Variants in MGST1 observed in about 807,000 individuals in gnomAD.
The protein encoded by MGST1 is microsomal glutathione S-transferase 1, also known as glutathione S-transferase 12.
MGST1 carries 5 observed loss-of-function variants against 8.9 expected under a neutral mutation model. The ratio of observed to expected loss-of-function variants is 0.56; its 90% CI spans 0.29 to 1.19. MGST1 has a LOEUF of 1.19. Ranked by LOEUF, MGST1 falls within the 50% of genes most tolerant of loss-of-function variation. The pLI, the probability that MGST1 is intolerant of heterozygous loss-of-function variation, is 0.08. For missense variants in MGST1, 182 were observed against 187.4 expected, an observed-to-expected ratio of 0.97 and a Z score of 0.17; for synonymous variants, 54 against 67.8, an observed-to-expected ratio of 0.80 and a Z score of 1.00.
chr12:16,591,928 G>C (rs1438871008), downstream of MGST1, among the ~76,000 whole-genome samples: 1 of 151,832 alleles, frequency 6.6e-6, no homozygotes, highest in Non-Finnish European at 1.5e-5. The surrounding 1 kb of genome is among the most constrained non-coding windows in gnomAD (Gnocchi z 4.1). Context: ...CTCTATATTG[G>C]TTCCATGGGA....
chr12:16,389,763 T>G lies in MGST1; in HGVS notation n.778+6159T>G, dbSNP rs1304701477. On this transcript the variant is annotated intron_variant and non_coding_transcript_variant, in intron 1 of 1. Coordinates refer to the MGST1 transcript ENST00000359720. This position sits in a 1 kb window ranked among gnomAD's most constrained non-coding sequence, Gnocchi z 4.6. Reference sequence around the variant, plus strand: ...TGTTTAGTGAGCAATATTGGAGTTTTCATAGTAAGAGCTTGCAGAGGTGGC... The same window carrying G: ...TGTTTAGTGAGCAATATTGGAGTTTGCATAGTAAGAGCTTGCAGAGGTGGC... 6.6e-6 allele frequency among the ~76,000 whole-genome samples: 1 copy of G among 152,100 alleles called. No individual in the cohort carries two copies. Among genetic ancestry groups the G allele is most frequent in the Non-Finnish European group, 1.5e-5 (1 of 68,030 alleles).
chr12:16,356,669 A>G (rs1208988607), intron 2 of MGST1, among the ~76,000 whole-genome samples: 1 of 152,230 alleles, frequency 6.6e-6, no homozygotes, highest in Non-Finnish European at 1.5e-5. Context: ...AGCTATTTCA[A>G]AGAGCATAAT....
chr12:16,394,513 C>T lies in MGST1; in HGVS notation n.778+10909C>T, dbSNP rs28572711. Among the ~76,000 whole-genome samples the T allele has an allele frequency of 1.9e-3, 161 of 84,460 alleles. 5 individuals carry two copies. The highest frequency in any genetic ancestry group is 0.016 in the East Asian group (12 of 738). The allele number at this position is 84,460 out of a possible 152,430, so 55.4% of individuals were successfully genotyped here. ...TTCTTTCTTTCTCTCTCTTTCTCTC[C>T]CTTTCTTTCTTTCTTTCTTTCTTTC... On this transcript the variant is annotated intron_variant and non_coding_transcript_variant, in intron 1 of 1. Transcript: ENST00000359720.
chr12:16,355,083 C>T (rs1939651429), intron 2 of MGST1, among the ~76,000 whole-genome samples: 1 of 152,062 alleles, frequency 6.6e-6, no homozygotes, highest in South Asian at 2.1e-4. Context: ...TCCCTGTGCT[C>T]ATTCAGCAAC....
Position 16,547,860 on chromosome 12 carries a change from G to GA in MGST1, n.483-41665dup, listed in dbSNP as rs1660985172. 6.6e-6 allele frequency among the ~76,000 whole-genome samples: 1 copy of GA among 152,086 alleles called. No individual in the cohort carries two copies. The highest frequency in any genetic ancestry group is 1.5e-5 in the Non-Finnish European group (1 of 67,992). On this transcript the variant is annotated intron_variant and non_coding_transcript_variant, in intron 4 of 4. Transcript: ENST00000538857. This position sits in a 1 kb window ranked among gnomAD's most constrained non-coding sequence, Gnocchi z 4.6. ...CATGTTTGGCCTACATAATTTCTAC[G>GA]AAACTGTTTAAGTGATGATTCAGAG... is the stretch of plus-strand genomic sequence containing the variant.
intron 1 of MGST1, among the ~76,000 whole-genome samples, chr12:16,416,016 A>C (rs1650927179): frequency 6.6e-6 from 1 of 152,344 alleles, no homozygotes; most frequent in African/African-American, 2.4e-5. Flanking sequence ...TACATTTAGT[A>C]GTCCTTTTCA....
intron 4 of MGST1, among the ~76,000 whole-genome samples, chr12:16,538,650 C>G (rs1321987787): frequency 2.0e-5 from 3 of 150,728 alleles, no homozygotes; most frequent in Non-Finnish European, 4.4e-5. Flanking sequence ...GCTCTGTCAC[C>G]CAGGCTGGAG....
intron 1 of MGST1, among the ~76,000 whole-genome samples, chr12:16,393,202 G>T (rs1465506129): frequency 6.6e-6 from 1 of 152,202 alleles, no homozygotes; most frequent in African/African-American, 2.4e-5. Flanking sequence ...AAATAAGGGG[G>T]CCCTGATATT....
intron 3 of MGST1, among the ~76,000 whole-genome samples, chr12:16,358,150 T>C (rs909744540): frequency 8.5e-5 from 13 of 152,282 alleles, no homozygotes; most frequent in African/African-American, 2.9e-4. Flanking sequence ...CCATCTCTTT[T>C]TAAATATTAT....
chr12:16,352,293 A>G (rs952710623), intron 1 of MGST1, among the ~76,000 whole-genome samples: 3 of 152,256 alleles, frequency 2.0e-5, no homozygotes, highest in African/African-American at 7.2e-5. Flanking sequence ...AGATGGCTAT[A>G]TGACCAATAA....
At position 16,537,807 on chromosome 12, in the gene MGST1, T is replaced by C. The variant is rs996405530; in HGVS notation, n.483-51721T>C. Among the ~76,000 whole-genome samples the C allele has an allele frequency of 6.6e-6, 1 of 152,196 alleles. No individual in the cohort carries two copies. Among genetic ancestry groups the C allele is most frequent in the Non-Finnish European group, 1.5e-5 (1 of 68,024 alleles). ...TAGGCTGCACACAGCATGGGGATCC[T>C]GGGCCCAGCCCAGGAAACCATTTTT... On this transcript the variant is annotated intron_variant and non_coding_transcript_variant, in intron 4 of 4. Transcript: ENST00000538857. The surrounding 1 kb of genome is among the most constrained non-coding windows in gnomAD (Gnocchi z 4.6).
At chr12:16,563,860 A>G (rs960557375) in intron 4 of MGST1, among the ~76,000 whole-genome samples, 1 of 152,140 alleles carries the variant, frequency 6.6e-6, no homozygotes, top group Non-Finnish European at 1.5e-5. Context: ...TCATTGATCT[A>G]TTTTGCTCAT....
chr12:16,423,565 CTTG>C (rs1163162478), intron 1 of MGST1, among the ~76,000 whole-genome samples: 1 of 151,990 alleles, frequency 6.6e-6, no homozygotes, highest in Non-Finnish European at 1.5e-5. Context: ...AAAAAAAATC[CTTG>C]TTGTCCATGC....
chr12:16,568,035 T>C (rs542142174), intron 4 of MGST1, among the ~76,000 whole-genome samples: 9 of 152,160 alleles, frequency 5.9e-5, no homozygotes, highest in African/African-American at 2.2e-4. Flanking sequence ...TTTTTTGGAA[T>C]TCTTGAGATC....
At chr12:16,511,451 A>G (rs948687119) in intron 4 of MGST1, among the ~76,000 whole-genome samples, 3 of 152,170 alleles carry the variant, frequency 2.0e-5, no homozygotes, top group East Asian at 1.9e-4. Context: ...GCTTTCAAGG[A>G]TCTAAATTTG....
chr12:16,405,850 T>TAAAATTC (rs1368254490), intron 1 of MGST1, among the ~76,000 whole-genome samples: 9 of 152,144 alleles, frequency 5.9e-5, no homozygotes, highest in Non-Finnish European at 4.4e-5. Context: ...AGGCTTTTGA[T>TAAAATTC]AAAATTCAAC....
intron 1 of MGST1, among the ~76,000 whole-genome samples, chr12:16,393,951 T>C (rs1414045913): frequency 1.3e-5 from 2 of 152,240 alleles, no homozygotes; most frequent in African/African-American, 4.8e-5. Flanking sequence ...GCTTCTAGTT[T>C]TTGCTATTAT....
chr12:16,353,786 GTC>G (rs1171264381), intron 1 of MGST1, among the ~76,000 whole-genome samples: 28 of 125,338 alleles, frequency 2.2e-4, no homozygotes, highest in Non-Finnish European at 9.6e-5. Context: ...TTGAGATAGA[GTC>G]TCTCTCTGTC....
intron 1 of MGST1, among the ~76,000 whole-genome samples, chr12:16,424,492 A>G (rs1018495059): frequency 2.0e-5 from 3 of 152,162 alleles, no homozygotes; most frequent in African/African-American, 4.8e-5. Flanking sequence ...TGAACATTTG[A>G]GTTGAAATTT....
Sources: gnomAD v4.1 joint callset for allele counts (sites outside exome capture counted in the v4.1 genomes callset) on GRCh38, gnomAD v4.1.1 for gene constraint, Gnocchi (gnomAD v3.1) non-coding constraint, MANE v1.5 for transcripts, NCBI Gene and HGNC (gene_info 2026-07-23, HGNC 2026-07-21) for gene names.